GPC6: variants seen among roughly 807,000 people sequenced by gnomAD.
GPC6 encodes glypican-6.
GPC6 carries 14 observed loss-of-function variants against 55.2 expected under a neutral mutation model. The observed-to-expected ratio is 0.25, with a 90% CI of 0.17 to 0.40. The LOEUF is 0.40. Among genes scored for constraint, GPC6 ranks in the 10% least tolerant of loss-of-function variants. The pLI is 1.00. For missense variants in GPC6, 641 were observed against 708.5 expected, an observed-to-expected ratio of 0.90 and a Z score of 1.08; for synonymous variants, 278 against 259.6, an observed-to-expected ratio of 1.07 and a Z score of -0.68.
At chr13:94,160,542 C>T (rs771104760) in intron 4 of GPC6, among the ~76,000 whole-genome samples, 1 of 152,246 alleles carries the variant, frequency 6.6e-6, no homozygotes, top group Non-Finnish European at 1.5e-5. Flanking sequence ...TGGGGCCCTT[C>T]CATGCACTGC....
At chr13:93,994,730 G>C (rs1881461609) in intron 3 of GPC6, among the ~76,000 whole-genome samples, 1 of 152,100 alleles carries the variant, frequency 6.6e-6, no homozygotes, top group Admixed American at 6.5e-5. Flanking sequence ...TTTCCCATTT[G>C]TTTAGCTGTT....
chr13:94,243,245 G>A (rs749516203), intron 4 of GPC6, among the ~76,000 whole-genome samples: 3 of 152,074 alleles, frequency 2.0e-5, no homozygotes, highest in Non-Finnish European at 4.4e-5. Context: ...AAGCAACCCT[G>A]TTTTTCAGTT....
At chr13:93,339,001 T>TA (rs1317580978) in intron 1 of GPC6, among the ~76,000 whole-genome samples, 1 of 152,130 alleles carries the variant, frequency 6.6e-6, no homozygotes, top group African/African-American at 2.4e-5. Flanking sequence ...TCAAAGCATT[T>TA]ACGCCCCAAA....
chr13:94,246,094 T>C (rs1364769021), intron 4 of GPC6, among the ~76,000 whole-genome samples: 1 of 152,128 alleles, frequency 6.6e-6, no homozygotes, highest in Non-Finnish European at 1.5e-5. Context: ...GTTTTTGTTT[T>C]CATTTTCCTG....
chr13:93,761,057 GT>G (rs1409703056), intron 2 of GPC6, among the ~76,000 whole-genome samples: 2 of 152,092 alleles, frequency 1.3e-5, no homozygotes, highest in Non-Finnish European at 2.9e-5. Flanking sequence ...TTAAAGAAAA[GT>G]TGCTTTAAAC....
intron 6 of GPC6, among the ~76,000 whole-genome samples, chr13:94,350,465 C>A (rs958113180): frequency 3.3e-5 from 5 of 152,132 alleles, no homozygotes; most frequent in Non-Finnish European, 5.9e-5. Context: ...TACAAAGCAG[C>A]AGCCACAGCA....
intron 2 of GPC6, among the ~76,000 whole-genome samples, chr13:93,589,836 C>A (rs547657987): frequency 6.6e-6 from 1 of 152,146 alleles, no homozygotes; most frequent in Admixed American, 6.5e-5. Context: ...AAAATTAATC[C>A]TGATGACATC....
At position 93,589,868 on chromosome 13, in the gene GPC6, G is replaced by A. The variant is rs539447080; in HGVS notation, c.319+44447G>A. Among the ~76,000 whole-genome samples, 13 of 152,290 alleles carry A rather than the reference G, an allele frequency of 8.5e-5. No individual in the cohort carries two copies. In the East Asian group the frequency reaches 1.9e-3, roughly 23 times the overall value. On this transcript the variant is annotated intron_variant, in intron 2 of 8. Transcript: ENST00000377047. ...CATCATGTGGAGTAAGTTAGCCTGA[G>A]CATTTAAGGGGATAAAACACTTATG...
rs1165609617 is a variant in GPC6, at chr13:94,323,536, TA to T, written c.1152+17415del. Among the ~76,000 whole-genome samples the T allele has an allele frequency of 2.0e-5, 3 of 152,062 alleles. No individual in the cohort carries two copies. In the East Asian group the frequency reaches 5.8e-4, roughly 29 times the overall value. On this transcript the variant is annotated intron_variant, in intron 6 of 8. Coordinates refer to ENST00000377047, the MANE Select transcript of GPC6 (RefSeq NM_005708.5). ...TTCTCACTTCTAAATGGGAGCTAAATAACGTGTGCATATGGACATAAAGTGT... is the reference window on the plus strand; with the variant it reads ...TTCTCACTTCTAAATGGGAGCTAAATACGTGTGCATATGGACATAAAGTGT...
At chr13:93,230,559 T>G (rs1447043434) in intron 1 of GPC6, among the ~76,000 whole-genome samples, 7 of 152,166 alleles carry the variant, frequency 4.6e-5, no homozygotes, top group Admixed American at 4.6e-4. Context: ...TTCTAATATT[T>G]AGCAATTCTT....
intron 1 of GPC6, among the ~76,000 whole-genome samples, chr13:93,368,335 GC>G (rs1881327524): frequency 2.1e-4 from 15 of 72,182 alleles, no homozygotes; most frequent in Non-Finnish European, 3.5e-4. Context: ...CTCCCTCCCT[GC>G]TTTCCTTCCT....
At chr13:94,187,557 A>G (rs1011844908) in intron 4 of GPC6, among the ~76,000 whole-genome samples, 10 of 152,178 alleles carry the variant, frequency 6.6e-5, no homozygotes, top group African/African-American at 2.2e-4. Flanking sequence ...AACATCCCCC[A>G]AATTTCTAGA....
intron 4 of GPC6, among the ~76,000 whole-genome samples, chr13:94,249,232 G>T (rs1415771323): frequency 6.6e-6 from 1 of 151,968 alleles, no homozygotes; most frequent in African/African-American, 2.4e-5. Context: ...CTATCCTATC[G>T]ATTTGATCCC....
chr13:94,189,023 T>C (rs1237480177), intron 4 of GPC6, among the ~76,000 whole-genome samples: 2 of 152,162 alleles, frequency 1.3e-5, no homozygotes, highest in African/African-American at 2.4e-5. Flanking sequence ...ATTGTTGTTA[T>C]AGGGATTCCT....
intron 6 of GPC6, among the ~76,000 whole-genome samples, chr13:94,382,129 C>T (rs1049414972): frequency 7.9e-5 from 12 of 152,190 alleles, no homozygotes; most frequent in Admixed American, 2.6e-4. Context: ...CGAAGCCAGG[C>T]GTGATGCTTC....
chr13:94,396,105 A>G (rs1880886199), intron 7 of GPC6, among the ~76,000 whole-genome samples: 1 of 151,934 alleles, frequency 6.6e-6, no homozygotes, highest in Non-Finnish European at 1.5e-5. Context: ...TCCACTAACA[A>G]CTTCTTCCCT....
intron 1 of GPC6, among the ~76,000 whole-genome samples, chr13:93,540,688 A>G (rs1409934262): frequency 6.6e-6 from 1 of 152,194 alleles, no homozygotes; most frequent in Non-Finnish European, 1.5e-5. Flanking sequence ...TGTGCTGGGA[A>G]CATTCAATAT....
intron 2 of GPC6, among the ~76,000 whole-genome samples, chr13:93,584,625 A>G (rs1213685647): frequency 6.6e-6 from 1 of 152,116 alleles, no homozygotes; most frequent in African/African-American, 2.4e-5. Context: ...CCAATAATCA[A>G]AAAGCTTGAA....
intron 1 of GPC6, among the ~76,000 whole-genome samples, chr13:93,238,466 G>A (rs1489144771): frequency 6.7e-6 from 1 of 150,328 alleles, no homozygotes; most frequent in African/African-American, 2.5e-5. Flanking sequence ...ACAAAATCCA[G>A]TAGTCTTTTG....
Sources: gnomAD v4.1 joint callset for allele counts (sites outside exome capture counted in the v4.1 genomes callset) on GRCh38, gnomAD v4.1.1 for gene constraint, MANE v1.5 for transcripts, NCBI Gene and HGNC (gene_info 2026-07-23, HGNC 2026-07-21) for gene names.